EIF4G3: variants seen among roughly 807,000 people sequenced by gnomAD.
The protein encoded by EIF4G3 is eukaryotic translation initiation factor 4 gamma 3.
A neutral mutation model predicts 186.4 loss-of-function variants in EIF4G3; 34 were observed. That is an observed-to-expected ratio of 0.18 (90% CI 0.14 to 0.24). The LOEUF (loss-of-function observed/expected upper bound fraction) is 0.24. Among genes scored for constraint, EIF4G3 ranks in the 10% least tolerant of loss-of-function variants. The pLI is 1.00. For synonymous variants in EIF4G3, 673 were observed against 679.5 expected (o/e 0.99, Z 0.15); for missense variants, 1,536 against 1,948.5 (o/e 0.79, Z 3.99).
chr1:20,862,143 G>A (rs2076511169), intron 23 of EIF4G3, 85 bp downstream of exon 23: 8 of 810,908 alleles, frequency 9.9e-6, no homozygotes, highest in Non-Finnish European at 1.6e-5. Context: ...CTTTACACAT[G>A]TAAACAACAG....
chr1:20,951,072 CT>C (rs141279438), intron 12 of EIF4G3, among the ~76,000 whole-genome samples: 36 of 146,960 alleles, frequency 2.4e-4, no homozygotes, highest in East Asian at 3.9e-4. Flanking sequence ...TTTCTTTTTA[CT>C]TTTTTTTTTT....
Position 21,069,579 on chromosome 1 carries a change from T to C in EIF4G3, c.-195-18585A>G, listed in dbSNP as rs555719033. 1.2e-4 allele frequency among the ~76,000 whole-genome samples: 18 copies of C among 152,356 alleles called. No homozygotes were observed. The South Asian group carries it at 1.4e-3, about 12-fold the overall frequency. Reference sequence around the variant, plus strand: ...CTTAAAAGCTCTGCAACATCTCCAATGTTTAGTCCCCTGGAAAAGCAAGCT... The same window carrying C: ...CTTAAAAGCTCTGCAACATCTCCAACGTTTAGTCCCCTGGAAAAGCAAGCT... On this transcript the variant is annotated intron_variant, in intron 3 of 36. Transcript: ENST00000602326.
intron 2 of EIF4G3, among the ~76,000 whole-genome samples, chr1:21,130,508 C>A (rs142909398): frequency 2.0e-5 from 3 of 152,072 alleles, no homozygotes; most frequent in African/African-American, 7.2e-5. Context: ...GGATTACAGG[C>A]GTGAGCTAGC....
intron 3 of EIF4G3, among the ~76,000 whole-genome samples, chr1:21,053,825 C>T (rs1401839150): frequency 9.0e-5 from 13 of 144,516 alleles, no homozygotes; most frequent in African/African-American, 3.4e-4. Context: ...CCCGGCCAGC[C>T]GCCCCATCCG....
intron 4 of EIF4G3, among the ~76,000 whole-genome samples, chr1:21,009,670 G>C (rs771185386): frequency 5.9e-5 from 9 of 151,502 alleles, no homozygotes; most frequent in Non-Finnish European, 1.2e-4. Context: ...GGGGGGTAGT[G>C]GGGGGACGGA....
At chr1:21,049,039 C>A (rs2094060333) in intron 4 of EIF4G3, among the ~76,000 whole-genome samples, 1 of 152,212 alleles carries the variant, frequency 6.6e-6, no homozygotes, top group Non-Finnish European at 1.5e-5. Context: ...TGCTCTACCA[C>A]TTGGGACTTC....
At chr1:21,087,783 G>A (rs897021034) in intron 3 of EIF4G3, among the ~76,000 whole-genome samples, 19 of 152,026 alleles carry the variant, frequency 1.2e-4, no homozygotes, top group African/African-American at 3.9e-4. Flanking sequence ...ACAGGCGCCC[G>A]CCACCATGTC....
intron 3 of EIF4G3, among the ~76,000 whole-genome samples, chr1:21,054,489 G>GA (rs946481883): frequency 3.3e-5 from 5 of 151,020 alleles, no homozygotes; most frequent in African/African-American, 1.2e-4. Flanking sequence ...AAAAGAAAAA[G>GA]AAAAAAACAA....
rs2075404172 is a variant in EIF4G3 at position 20,969,607 on chromosome 1, AAAT to A, written c.592-14_592-12del. 6.2e-7 allele frequency: 1 copy of A among 1,612,246 alleles called. No individual in the cohort carries two copies. On this transcript the variant is annotated splice_polypyrimidine_tract_variant and intron_variant, in intron 11 of 36. Coordinates refer to ENST00000602326, the MANE Select transcript of EIF4G3 (RefSeq NM_001391906.1). Reference sequence around the variant, plus strand: ...ATCCCGAATTCTTATCTATAAGGTTAAATAAAATGACATATGTACAGATGAGTG... The same window carrying A: ...ATCCCGAATTCTTATCTATAAGGTTAAAAATGACATATGTACAGATGAGTG...
intron 20 of EIF4G3, among the ~76,000 whole-genome samples, chr1:20,869,417 T>G (rs936940041): frequency 6.7e-6 from 1 of 149,934 alleles, no homozygotes; most frequent in African/African-American, 2.5e-5. Flanking sequence ...AGTACCTGTC[T>G]CCTGAGTAGC....
chr1:21,103,563 G>A (rs1444311222), intron 2 of EIF4G3, among the ~76,000 whole-genome samples: 1 of 152,296 alleles, frequency 6.6e-6, no homozygotes, highest in Middle Eastern at 3.4e-3. Flanking sequence ...CAAGATCCAG[G>A]CTGGGCACAC....
At chr1:20,921,934 T>C (rs369404795) in intron 14 of EIF4G3, among the ~76,000 whole-genome samples, 2 of 152,232 alleles carry the variant, frequency 1.3e-5, no homozygotes, top group Non-Finnish European at 2.9e-5. Flanking sequence ...TGCTTATATC[T>C]GCTTAGGTGA....
At chr1:20,882,069 A>G (rs2082501373) in intron 19 of EIF4G3, among the ~76,000 whole-genome samples, 1 of 151,940 alleles carries the variant, frequency 6.6e-6, no homozygotes, top group Non-Finnish European at 1.5e-5. Context: ...GGGCTGAGGC[A>G]GGAAGATCGC....
At position 21,052,784 on chromosome 1, in the gene EIF4G3, T is replaced by G. The variant is rs769847938; in HGVS notation, c.-195-1790A>C. Among the ~76,000 whole-genome samples, 415 of 152,354 alleles carry G rather than the reference T, an allele frequency of 2.7e-3. 1 individual carries two copies. Among genetic ancestry groups the G allele is most frequent in the Middle Eastern group, 6.8e-3 (2 of 294 alleles). ...TTTTGGTGGAGACGGGGTTTCGCTGTGTTGGCCGGGCTGGTCTCCAGCTCC... is the reference window on the plus strand; with the variant it reads ...TTTTGGTGGAGACGGGGTTTCGCTGGGTTGGCCGGGCTGGTCTCCAGCTCC... On this transcript the variant is annotated intron_variant, in intron 3 of 36. Transcript: ENST00000602326.
intron 3 of EIF4G3, among the ~76,000 whole-genome samples, chr1:21,057,941 C>T (rs1291278193): frequency 2.6e-5 from 4 of 151,908 alleles, no homozygotes; most frequent in African/African-American, 4.8e-5. Flanking sequence ...GGTTGGTGAC[C>T]AATATTAACT....
intron 2 of EIF4G3, among the ~76,000 whole-genome samples, chr1:21,160,453 T>C (rs2097746677): frequency 1.3e-5 from 2 of 152,304 alleles, no homozygotes; most frequent in African/African-American, 4.8e-5. Context: ...TCTAACATTG[T>C]TTGCAAACTC....
intron 2 of EIF4G3, among the ~76,000 whole-genome samples, chr1:21,151,736 G>A (rs2097554978): frequency 6.6e-6 from 1 of 150,814 alleles, no homozygotes; most frequent in African/African-American, 2.4e-5. Flanking sequence ...AAAAAACAGG[G>A]CTAATTTCAA....
chr1:20,891,616 C>CAAAAAAAAAA (rs11343165), intron 18 of EIF4G3, among the ~76,000 whole-genome samples: 19 of 81,590 alleles, frequency 2.3e-4, no homozygotes, highest in Non-Finnish European at 3.5e-4. Context: ...ACTAAAAATA[C>CAAAAAAAAAA]AAAAAAAAAA....
chr1:20,902,101 G>A (rs2090500484), intron 15 of EIF4G3, among the ~76,000 whole-genome samples: 1 of 143,884 alleles, frequency 7.0e-6, no homozygotes, highest in Non-Finnish European at 1.5e-5. Context: ...GTCTTGCTCT[G>A]TCACCCAGGC....
Sources: gnomAD v4.1 joint callset for allele counts (sites outside exome capture counted in the v4.1 genomes callset) on GRCh38, gnomAD v4.1.1 for gene constraint, MANE v1.5 for transcripts, NCBI Gene and HGNC (gene_info 2026-07-23, HGNC 2026-07-21) for gene names.